The following RBFOX1 variants were observed in gnomAD, a reference collection of about 807,000 sequenced individuals.
RBFOX1 encodes RNA binding fox-1 homolog 1.
In RBFOX1, 8 loss-of-function variants were observed where a neutral mutation model predicts 57.7. The ratio of observed to expected loss-of-function variants is 0.14; its 90% CI spans 0.08 to 0.25. RBFOX1 has a LOEUF of 0.25. Among genes scored for constraint, RBFOX1 ranks in the 10% least tolerant of loss-of-function variants. The probability of loss-of-function intolerance (pLI) is 1.00; values close to 1 mark genes in which losing one functional copy is unlikely to be tolerated. For missense variants in RBFOX1, 611 were observed against 548.5 expected (o/e 1.11, Z -1.14); for synonymous variants, 326 against 222.4 (o/e 1.47, Z -4.15).
intron 14 of RBFOX1, among the ~76,000 whole-genome samples, chr16:7,698,102 C>T (rs1156341860): frequency 6.6e-6 from 1 of 151,922 alleles, no homozygotes; most frequent in East Asian, 1.9e-4. Context: ...AAGTTAGTGG[C>T]TGAAAAACAA....
chr16:6,677,626 TA>T (rs2057960571), intron 3 of RBFOX1, among the ~76,000 whole-genome samples: 1 of 152,192 alleles, frequency 6.6e-6, no homozygotes, highest in Non-Finnish European at 1.5e-5. Flanking sequence ...AAAATCTCAT[TA>T]AAAGTATATT....
intron 1 of RBFOX1, among the ~76,000 whole-genome samples, chr16:6,222,294 C>T (rs1033705048): frequency 6.6e-6 from 1 of 152,052 alleles, no homozygotes; most frequent in Non-Finnish European, 1.5e-5. Flanking sequence ...TTCTTCTATA[C>T]CTTGCTGTCT....
intron 1 of RBFOX1, among the ~76,000 whole-genome samples, chr16:6,143,348 T>G (rs1010682972): frequency 6.6e-6 from 1 of 152,212 alleles, no homozygotes; most frequent in Non-Finnish European, 1.5e-5. Context: ...TGAGAAGTGC[T>G]TTATCTTAAT....
chr16:6,148,339 C>G (rs2096773991), intron 1 of RBFOX1, among the ~76,000 whole-genome samples: 1 of 152,176 alleles, frequency 6.6e-6, no homozygotes, highest in African/African-American at 2.4e-5. Context: ...AATAAGCAAA[C>G]AAACAAACTG....
intron 4 of RBFOX1, among the ~76,000 whole-genome samples, chr16:7,280,810 A>G (rs2095525909): frequency 6.6e-6 from 1 of 152,010 alleles, no homozygotes; most frequent in Non-Finnish European, 1.5e-5. Context: ...GGGAGTCAAA[A>G]CATTGTCCAG....
chr16:5,952,469 T>C (rs2059540999), intron 4 of RBFOX1, among the ~76,000 whole-genome samples: 1 of 152,058 alleles, frequency 6.6e-6, no homozygotes, highest in South Asian at 2.1e-4. Context: ...GTATTTTTAA[T>C]AGAGATGGGG....
At chr16:6,999,328 A>G (rs2092585005) in intron 3 of RBFOX1, among the ~76,000 whole-genome samples, 1 of 150,426 alleles carries the variant, frequency 6.6e-6, no homozygotes, top group Non-Finnish European at 1.5e-5. Flanking sequence ...AAGTGATGGG[A>G]TGACAGGCAT....
chr16:6,667,699 A>G (rs2098741386), intron 3 of RBFOX1, among the ~76,000 whole-genome samples: 1 of 152,018 alleles, frequency 6.6e-6, no homozygotes, highest in African/African-American at 2.4e-5. Context: ...TAGGCAACAT[A>G]TACCCTATTT....
chr16:6,105,618 AT>A (rs571044944), intron 1 of RBFOX1, among the ~76,000 whole-genome samples: 9 of 151,510 alleles, frequency 5.9e-5, no homozygotes, highest in African/African-American at 2.2e-4. Context: ...ATTTTATTTT[AT>A]TTTTTTGTTT....
intron 2 of RBFOX1, among the ~76,000 whole-genome samples, chr16:6,417,034 C>G (rs2152982238): frequency 6.6e-6 from 1 of 152,126 alleles, no homozygotes; most frequent in South Asian, 2.1e-4. Flanking sequence ...TTTTTTGAGA[C>G]AGAGTCTCTC....
chr16:7,292,372 CAT>C (rs2095805658), intron 4 of RBFOX1, among the ~76,000 whole-genome samples: 3 of 133,650 alleles, frequency 2.2e-5, no homozygotes, highest in Admixed American at 8.0e-5. Flanking sequence ...TGTTATATAT[CAT>C]ATATGATATA....
chr16:6,812,382 A>AT (rs200839148), intron 3 of RBFOX1, among the ~76,000 whole-genome samples: 4,386 of 151,696 alleles, frequency 0.029, 138 homozygotes, highest in South Asian at 0.14. Flanking sequence ...CTTATTTTTT[A>AT]TTTTTTTTGA....
intron 3 of RBFOX1, among the ~76,000 whole-genome samples, chr16:5,733,936 T>C (rs932086848): frequency 4.6e-5 from 7 of 152,090 alleles, no homozygotes; most frequent in East Asian, 1.9e-4. Context: ...ATTTTCTCCA[T>C]TTCCTTCATG....
intron 2 of RBFOX1, chr16:6,483,190 G>T (rs1004959095): frequency 8.6e-7 from 1 of 1,167,506 alleles, no homozygotes; most frequent in Non-Finnish European, 1.1e-6. Context: ...TTTTGGCGCG[G>T]ACAGAGGCCG....
At chr16:6,208,088 C>G (rs537729497) in intron 1 of RBFOX1, among the ~76,000 whole-genome samples, 1 of 151,594 alleles carries the variant, frequency 6.6e-6, no homozygotes, top group South Asian at 2.1e-4. Flanking sequence ...TCAACAGTTC[C>G]TTTAATTTCT....
intron 5 of RBFOX1, among the ~76,000 whole-genome samples, chr16:7,573,045 C>A (rs1053748892): frequency 3.3e-5 from 5 of 152,018 alleles, no homozygotes; most frequent in African/African-American, 1.2e-4. Flanking sequence ...GAGATGTATG[C>A]TGTGAAGAAA....
At chr16:5,885,668 C>A (rs191456959) in intron 4 of RBFOX1, among the ~76,000 whole-genome samples, 5 of 152,214 alleles carry the variant, frequency 3.3e-5, no homozygotes, top group Admixed American at 2.6e-4. Context: ...CTAATGTTGC[C>A]CAGGGAAACT....
chr16:6,738,057 C>CT (rs906093793), intron 3 of RBFOX1, among the ~76,000 whole-genome samples: 119 of 134,446 alleles, frequency 8.9e-4, no homozygotes, highest in Middle Eastern at 3.9e-3. Context: ...GGACTTGTCT[C>CT]TTTTTTTTTT....
At chr16:6,770,533 C>T (rs1290264629) in intron 3 of RBFOX1, among the ~76,000 whole-genome samples, 2 of 152,134 alleles carry the variant, frequency 1.3e-5, no homozygotes, top group Admixed American at 6.6e-5. Flanking sequence ...TTTCTTTCTG[C>T]CCCTTTACGG....
Sources: gnomAD v4.1 joint callset for allele counts (sites outside exome capture counted in the v4.1 genomes callset) on GRCh38, gnomAD v4.1.1 for gene constraint, MANE v1.5 for transcripts, NCBI Gene and HGNC (gene_info 2026-07-23, HGNC 2026-07-21) for gene names.